The following GXYLT1 variants were observed in gnomAD, a reference collection of about 807,000 sequenced individuals.
GXYLT1 encodes glucoside xylosyltransferase 1.
GXYLT1 carries 29 observed loss-of-function variants against 54.0 expected under a neutral mutation model. That is an observed-to-expected ratio of 0.54 (90% CI 0.40 to 0.73). The LOEUF is 0.73. GXYLT1 is among the 30% of genes least tolerant of loss of function. The probability of loss-of-function intolerance (pLI) is 0.00; values close to 1 mark genes in which losing one functional copy is unlikely to be tolerated. For missense variants in GXYLT1, 490 were observed against 553.4 expected (o/e 0.89, Z 1.15); for synonymous variants, 176 against 204.1 (o/e 0.86, Z 1.17).
chr12:42,140,737 A>T (rs181931255), intron 1 of GXYLT1, among the ~76,000 whole-genome samples: 1 of 152,324 alleles, frequency 6.6e-6, no homozygotes, highest in Non-Finnish European at 1.5e-5. Context: ...TGTGACAAGG[A>T]GACACATAAG....
At chr12:42,131,623 T>C (rs746917593) in intron 1 of GXYLT1, among the ~76,000 whole-genome samples, 2 of 152,248 alleles carry the variant, frequency 1.3e-5, no homozygotes, top group South Asian at 4.1e-4. Context: ...AAAGGCTACA[T>C]ATCTTCATTT....
rs2065288288 is a variant in GXYLT1, at chr12:42,085,702, T to TGG, written c.*2083_*2084insCC. ...TCTAACAAACCAACTAGAAGATGATTTTTGAGATAATCAGGGAAATTTGCT... is the reference window on the plus strand; with the variant it reads ...TCTAACAAACCAACTAGAAGATGATTGGTTTGAGATAATCAGGGAAATTTGCT... On this transcript the variant is annotated 3_prime_UTR_variant, in exon 8 of 8. Transcript: ENST00000398675. 2 of 137,988 alleles carry TGG rather than the reference T, an allele frequency of 1.4e-5. No individual in the cohort carries two copies. Among genetic ancestry groups the TGG allele is most frequent in the Non-Finnish European group, 3.2e-5 (2 of 61,726 alleles). The allele number at this position is 137,988 out of a possible 1,614,324, so 8.5% of individuals were successfully genotyped here.
intron 4 of GXYLT1, among the ~76,000 whole-genome samples, chr12:42,106,321 GAAT>G (rs2136889852): frequency 6.6e-6 from 1 of 152,250 alleles, no homozygotes; most frequent in Admixed American, 6.5e-5. Context: ...AAAATTGAGA[GAAT>G]AATATGAAAT....
chr12:42,124,041 TA>T (rs147779430), intron 2 of GXYLT1, among the ~76,000 whole-genome samples: 19 of 144,792 alleles, frequency 1.3e-4, no homozygotes, highest in African/African-American at 3.3e-4. Flanking sequence ...ACAAAATACT[TA>T]AAAAAAAAAG....
chr12:42,095,393 C>T (rs73280057), intron 7 of GXYLT1, among the ~76,000 whole-genome samples: 2,120 of 151,500 alleles, frequency 0.014, 43 homozygotes, highest in African/African-American at 0.047. Context: ...TAGAGAATGG[C>T]TGAATAAACT....
rs929063690 is a variant in GXYLT1 at position 42,112,524 on chromosome 12, C to A, written c.487-2833G>T. ...AAGCCTCAGTAGCCAATGCGACCAA[C>A]TGGAAGAAAGGGTATCAGTGATGGA... is the stretch of plus-strand genomic sequence containing the variant. On this transcript the variant is annotated intron_variant, in intron 3 of 7. Coordinates refer to ENST00000398675, the MANE Select transcript of GXYLT1 (RefSeq NM_173601.2). Among the ~76,000 whole-genome samples, 3 of 152,068 alleles carry A rather than the reference C, an allele frequency of 2.0e-5. No individual in the cohort carries two copies. The South Asian group carries it at 6.2e-4, about 32-fold the overall frequency.
At chr12:42,132,397 C>T (rs1400041781) in intron 1 of GXYLT1, among the ~76,000 whole-genome samples, 1 of 152,100 alleles carries the variant, frequency 6.6e-6, no homozygotes, top group African/African-American at 2.4e-5. Flanking sequence ...CTGTTTACTC[C>T]AACTTAAAAA....
chr12:42,138,877 G>GA (rs993582781), intron 1 of GXYLT1, among the ~76,000 whole-genome samples: 56 of 151,614 alleles, frequency 3.7e-4, no homozygotes, highest in African/African-American at 9.4e-4. Flanking sequence ...AATACAAAAA[G>GA]AAAAAAACAA....
rs1278562307 is a variant in GXYLT1, at chr12:42,085,696, G to C, written c.*2090C>G. The C allele has an allele frequency of 1.3e-5, 2 of 152,168 alleles. No individual in the cohort carries two copies. Among genetic ancestry groups the C allele is most frequent in the Non-Finnish European group, 2.9e-5 (2 of 68,050 alleles). 9.4% of individuals were successfully genotyped at this position (152,168 alleles called of 1,614,324 possible). On this transcript the variant is annotated 3_prime_UTR_variant, in exon 8 of 8. Transcript: ENST00000398675. ...GTTGATTCTAACAAACCAACTAGAAGATGATTTTTGAGATAATCAGGGAAA... is the reference window on the plus strand; with the variant it reads ...GTTGATTCTAACAAACCAACTAGAACATGATTTTTGAGATAATCAGGGAAA...
At chr12:42,140,536 C>A (rs574819401) in intron 1 of GXYLT1, among the ~76,000 whole-genome samples, 16 of 151,020 alleles carry the variant, frequency 1.1e-4, no homozygotes, top group South Asian at 6.4e-4. Context: ...TCATACTGTT[C>A]TCTCTGATGA....
chr12:42,106,142 T>C (rs2065419947), intron 4 of GXYLT1, 73 bp from the exon 5 acceptor site: 2 of 992,900 alleles, frequency 2.0e-6, no homozygotes, highest in South Asian at 3.0e-5. Flanking sequence ...CCTCTAATTG[T>C]GTAAGATACA....
rs550171770 is a variant in GXYLT1, at chr12:42,143,703, T to C, written c.221+723A>G. 1.6e-4 allele frequency among the ~76,000 whole-genome samples: 25 copies of C among 152,318 alleles called. 1 individual carries two copies. The South Asian group carries it at 5.2e-3, about 32-fold the overall frequency. ...GAAACATTTTTTTTCTATTTAAATC[T>C]CATGTTGATTCCCACTCTGGCAGTG... On this transcript the variant is annotated intron_variant, in intron 1 of 7. Coordinates refer to ENST00000398675, the MANE Select transcript of GXYLT1 (RefSeq NM_173601.2).
In GXYLT1 at chr12:42,087,882, T is replaced by G. The variant is rs1331671202; in HGVS notation, c.1227A>C (p.Thr409=). The change falls in exon 8 of 8, where the codon ACA becomes ACC. Residue 409 remains threonine (T), a synonymous_variant. Coordinates refer to ENST00000398675, the MANE Select transcript of GXYLT1 (RefSeq NM_173601.2). The stretch of plus-strand genomic sequence containing the variant: ...AAATTTTTCCACAGTATGTATGCAC[T>G]GTTTTTTGTAGTTCCAGTTCTAAAG... ...LKPLELELQK[T]VHTYCGKIYK... The G allele has an allele frequency of 6.3e-7, 1 of 1,595,486 alleles. No individual in the cohort carries two copies. Among genetic ancestry groups the G allele is most frequent in the South Asian group, 1.1e-5 (1 of 89,170 alleles).
At position 42,081,874 on chromosome 12, in the gene GXYLT1, ATGTT is replaced by A. The variant is rs548464730; in HGVS notation, c.*5908_*5911del. 2.6e-4 allele frequency: 39 copies of A among 152,360 alleles called. 1 individual carries two copies. Among genetic ancestry groups the A allele is most frequent in the African/African-American group, 8.4e-4 (35 of 41,578 alleles). 9.4% of individuals were successfully genotyped at this position (152,360 alleles called of 1,614,324 possible). A position where few individuals can be genotyped will look rare whatever the true frequency, so the allele number is the denominator to read the frequency against. On this transcript the variant is annotated 3_prime_UTR_variant, in exon 8 of 8. Coordinates refer to ENST00000398675, the MANE Select transcript of GXYLT1 (RefSeq NM_173601.2). ...AGGAAATAAAACGTTTATTGAGTAA[ATGTT>A]TATTTAGTAACAGCAACACATAGTT...
At chr12:42,127,287 G>A (rs139733794) in intron 2 of GXYLT1, among the ~76,000 whole-genome samples, 8 of 152,126 alleles carry the variant, frequency 5.3e-5, no homozygotes, top group Admixed American at 2.6e-4. Context: ...TGAGGGAATC[G>A]TTAGTTCTAA....
At chr12:42,127,994 C>T (rs1299811666) in intron 2 of GXYLT1, among the ~76,000 whole-genome samples, 1 of 152,124 alleles carries the variant, frequency 6.6e-6, no homozygotes, top group Non-Finnish European at 1.5e-5. Context: ...GGGATGCATA[C>T]TGTATTGAGA....
chr12:42,112,263 T>C (rs2065462434), intron 3 of GXYLT1, among the ~76,000 whole-genome samples: 1 of 152,138 alleles, frequency 6.6e-6, no homozygotes, highest in Non-Finnish European at 1.5e-5. Flanking sequence ...GGAATGCAGC[T>C]CCTCACCAGC....
In GXYLT1 at chr12:42,122,046, G is replaced by A. The variant is rs140864713; in HGVS notation, c.315-2875C>T. ...ATAATGTTGGCCCCAATTGAATGGC[G>A]GAATCTTGCCAGGGTCTACAAAAAT... On this transcript the variant is annotated intron_variant, in intron 2 of 7. Transcript: ENST00000398675. Among the ~76,000 whole-genome samples the A allele has an allele frequency of 2.9e-3, 436 of 152,212 alleles. 2 individuals carry two copies. The highest frequency in any genetic ancestry group is 9.3e-3 in the African/African-American group (387 of 41,520).
At chr12:42,118,232 A>C (rs183712347) in intron 3 of GXYLT1, among the ~76,000 whole-genome samples, 4 of 152,312 alleles carry the variant, frequency 2.6e-5, no homozygotes, top group Admixed American at 2.0e-4. Context: ...ACCAGAAGCC[A>C]CTTCCCGCCA....
Sources: gnomAD v4.1 joint callset for allele counts (sites outside exome capture counted in the v4.1 genomes callset) on GRCh38, gnomAD v4.1.1 for gene constraint, MANE v1.5 for transcripts, NCBI Gene and HGNC (gene_info 2026-07-23, HGNC 2026-07-21) for gene names.